STXBP5L: variants seen among roughly 807,000 people sequenced by gnomAD.
The protein encoded by STXBP5L is syntaxin-binding protein 5-like.
Under a neutral mutation model 144.5 loss-of-function variants are expected in STXBP5L, and 65 were observed. The observed-to-expected ratio is 0.45, with a 90% CI of 0.37 to 0.55. The LOEUF (loss-of-function observed/expected upper bound fraction) is 0.55, where lower values mean the gene tolerates loss of function less well. Ranked by LOEUF, STXBP5L falls within the 20% of genes least tolerant of loss-of-function variation. The pLI is 0.00. For missense variants in STXBP5L, 1,298 were observed against 1,405.5 expected (o/e 0.92, Z 1.22); for synonymous variants, 505 against 469.6 (o/e 1.08, Z -0.97).
intron 22 of STXBP5L, among the ~76,000 whole-genome samples, chr3:121,396,676 G>A (rs1294126335): frequency 6.6e-6 from 1 of 152,172 alleles, no homozygotes; most frequent in South Asian, 2.1e-4. Flanking sequence ...TTCTTTCCAG[G>A]TAATGCTGTA....
chr3:121,178,457 A>C (rs1434721083), intron 9 of STXBP5L, among the ~76,000 whole-genome samples: 5 of 152,216 alleles, frequency 3.3e-5, no homozygotes, highest in African/African-American at 7.2e-5. Flanking sequence ...AATCTTAATA[A>C]ATTTTATAAA....
intron 5 of STXBP5L, among the ~76,000 whole-genome samples, chr3:121,077,709 C>A (rs986784312): frequency 1.3e-5 from 2 of 152,056 alleles, no homozygotes; most frequent in East Asian, 1.9e-4. Flanking sequence ...CTGATTGGTG[C>A]GTTTACAATC....
intron 5 of STXBP5L, among the ~76,000 whole-genome samples, chr3:121,085,298 A>G (rs2042436053): frequency 6.6e-6 from 1 of 152,076 alleles, no homozygotes; most frequent in Admixed American, 6.6e-5. Flanking sequence ...GCCTGGGCCT[A>G]TGTCCTGAGT....
intron 7 of STXBP5L, among the ~76,000 whole-genome samples, chr3:121,127,352 G>A (rs922722940): frequency 6.6e-6 from 1 of 151,992 alleles, no homozygotes; most frequent in Non-Finnish European, 1.5e-5. Flanking sequence ...AAACAAAGAA[G>A]TTTATTTTTT....
chr3:121,105,731 T>A (rs1424443088), intron 5 of STXBP5L, among the ~76,000 whole-genome samples: 1 of 152,138 alleles, frequency 6.6e-6, no homozygotes, highest in Non-Finnish European at 1.5e-5. Flanking sequence ...TATGGACACA[T>A]GAAACTCAAT....
At chr3:120,968,212 A>G (rs952117000) in intron 3 of STXBP5L, among the ~76,000 whole-genome samples, 11 of 152,022 alleles carry the variant, frequency 7.2e-5, no homozygotes, top group Admixed American at 3.3e-4. Flanking sequence ...GTGGTTTTCT[A>G]CTGTTATTGT....
At chr3:121,321,448 C>T (rs1260318159) in intron 20 of STXBP5L, among the ~76,000 whole-genome samples, 1 of 152,128 alleles carries the variant, frequency 6.6e-6, no homozygotes, top group African/African-American at 2.4e-5. Context: ...GGACAGTGTG[C>T]CCATTATTAT....
chr3:121,404,694 G>T (rs961779725), intron 22 of STXBP5L, among the ~76,000 whole-genome samples: 1 of 152,048 alleles, frequency 6.6e-6, no homozygotes, highest in African/African-American at 2.4e-5. Context: ...TGCCAGTTTC[G>T]ATGCTGATAG....
intron 1 of STXBP5L, 128 bp from the exon 2 acceptor site, chr3:120,909,443 T>C (rs1385300069): frequency 5.2e-6 from 4 of 769,700 alleles, no homozygotes; most frequent in Non-Finnish European, 7.8e-6. Context: ...TTTTTTCCAG[T>C]CGGTCGTAAC....
chr3:120,933,969 A>T (rs1289507393), intron 2 of STXBP5L, among the ~76,000 whole-genome samples: 1 of 152,048 alleles, frequency 6.6e-6, no homozygotes, highest in Non-Finnish European at 1.5e-5. Flanking sequence ...TTTTGAATGA[A>T]ACCACCAATC....
chr3:121,301,814 T>A (rs1362248658), intron 19 of STXBP5L, among the ~76,000 whole-genome samples: 2 of 152,222 alleles, frequency 1.3e-5, no homozygotes, highest in Non-Finnish European at 2.9e-5. Flanking sequence ...CATGTGGTTT[T>A]TGTCATTGGT....
intron 20 of STXBP5L, among the ~76,000 whole-genome samples, chr3:121,362,819 C>A (rs183494775): frequency 1.1e-4 from 17 of 152,192 alleles, no homozygotes; most frequent in Non-Finnish European, 2.2e-4. Flanking sequence ...GCCCCATAGC[C>A]ACCACAGCTG....
intron 19 of STXBP5L, among the ~76,000 whole-genome samples, chr3:121,289,008 A>G (rs1393652479): frequency 7.1e-6 from 1 of 141,578 alleles, no homozygotes; most frequent in African/African-American, 2.5e-5. Context: ...TTTTAAAAAT[A>G]CCTACCAGGC....
chr3:120,942,946 G>C (rs1160572353), intron 2 of STXBP5L, among the ~76,000 whole-genome samples: 1 of 151,498 alleles, frequency 6.6e-6, no homozygotes, highest in Non-Finnish European at 1.5e-5. Flanking sequence ...TTCATCAAAT[G>C]CCTTTCCAGA....
At chr3:121,342,451 C>T (rs1576224112) in intron 20 of STXBP5L, among the ~76,000 whole-genome samples, 1 of 151,326 alleles carries the variant, frequency 6.6e-6, no homozygotes, top group East Asian at 2.0e-4. Context: ...CACCCATTAA[C>T]TCGTCATTTA....
intron 9 of STXBP5L, among the ~76,000 whole-genome samples, chr3:121,165,913 T>C (rs182192027): frequency 1.3e-5 from 2 of 152,302 alleles, no homozygotes; most frequent in Admixed American, 6.5e-5. Flanking sequence ...TAGATTTATA[T>C]TTTTTATTTG....
At chr3:120,966,759 A>G (rs1167877635) in intron 3 of STXBP5L, among the ~76,000 whole-genome samples, 1 of 152,088 alleles carries the variant, frequency 6.6e-6, no homozygotes, top group East Asian at 1.9e-4. Flanking sequence ...GGGGTCAGGG[A>G]CCCACTTGAG....
At chr3:121,363,134 T>G (rs1461772157) in intron 20 of STXBP5L, among the ~76,000 whole-genome samples, 1 of 152,098 alleles carries the variant, frequency 6.6e-6, no homozygotes, top group Non-Finnish European at 1.5e-5. Flanking sequence ...CTCTCCACTC[T>G]TTTCTCTCCT....
At chr3:121,042,876 A>G (rs569927515) in intron 4 of STXBP5L, among the ~76,000 whole-genome samples, 2 of 151,910 alleles carry the variant, frequency 1.3e-5, no homozygotes, top group South Asian at 4.2e-4. Context: ...TTTGAAAAAT[A>G]TTTCATTGTA....
Sources: gnomAD v4.1 joint callset for allele counts (sites outside exome capture counted in the v4.1 genomes callset) on GRCh38, gnomAD v4.1.1 for gene constraint, MANE v1.5 for transcripts, NCBI Gene and HGNC (gene_info 2026-07-23, HGNC 2026-07-21) for gene names.